The following ARFGEF3 variants were observed in gnomAD, a reference collection of about 807,000 sequenced individuals.
The protein encoded by ARFGEF3 is brefeldin A-inhibited guanine nucleotide-exchange protein 3.
In ARFGEF3, 96 loss-of-function variants were observed where a neutral mutation model predicts 221.7. The observed-to-expected ratio is 0.43, with a 90% confidence interval of 0.37 to 0.51. The LOEUF is 0.51. Among genes scored for constraint, ARFGEF3 ranks in the 20% least tolerant of loss-of-function variants. The pLI, the probability that ARFGEF3 is intolerant of heterozygous loss-of-function variation, is 0.00. For missense variants in ARFGEF3, 2,410 were observed against 2,789.9 expected (o/e 0.86, Z 3.07); for synonymous variants, 1,145 against 1,126.8 (o/e 1.02, Z -0.32).
At position 138,187,946 on chromosome 6, in the gene ARFGEF3, T is replaced by TG. The variant is rs527778151; in HGVS notation, c.137+17234dup. Among the ~76,000 whole-genome samples the TG allele has an allele frequency of 2.7e-3, 407 of 152,194 alleles. 3 individuals are homozygous for TG. In the Middle Eastern group the frequency reaches 0.027, roughly 10 times the overall value. On this transcript the variant is annotated intron_variant, in intron 2 of 33. Coordinates refer to ENST00000251691, the MANE Select transcript of ARFGEF3 (RefSeq NM_020340.5). Reference sequence around the variant, plus strand: ...TATACTAGGATAGGAAATGAGTGTGTGTGGGGGGGTTTAATCTAGGGAAAG... The same window carrying TG: ...TATACTAGGATAGGAAATGAGTGTGTGGTGGGGGGGTTTAATCTAGGGAAAG...
chr6:138,327,133 G>T (rs1385641863), intron 31 of ARFGEF3, among the ~76,000 whole-genome samples: 3 of 152,178 alleles, frequency 2.0e-5, no homozygotes, highest in African/African-American at 7.2e-5. Context: ...GAGAGCATCA[G>T]CAAGAACAGC....
At chr6:138,239,114 A>G (rs982951224) in intron 6 of ARFGEF3, among the ~76,000 whole-genome samples, 9 of 152,194 alleles carry the variant, frequency 5.9e-5, no homozygotes, top group African/African-American at 1.9e-4. Context: ...AAAGCCCACT[A>G]GAGCTTTTTG....
chr6:138,172,906 G>A (rs1473317450), intron 2 of ARFGEF3, among the ~76,000 whole-genome samples: 4 of 152,094 alleles, frequency 2.6e-5, no homozygotes, highest in Non-Finnish European at 5.9e-5. Context: ...GACCAATTTT[G>A]TGCATTAGTA....
At chr6:138,315,392 G>T (rs1392883616) in intron 26 of ARFGEF3, among the ~76,000 whole-genome samples, 2 of 152,100 alleles carry the variant, frequency 1.3e-5, no homozygotes, top group African/African-American at 4.8e-5. Context: ...TCTAGAATTG[G>T]ATATCATACC....
intron 10 of ARFGEF3, among the ~76,000 whole-genome samples, 179 bp from the exon 11 acceptor site, chr6:138,261,348 T>C (rs111425640): frequency 0.013 from 1,959 of 152,336 alleles, 39 homozygotes; most frequent in African/African-American, 0.044. Flanking sequence ...ACACACCATA[T>C]GTCAAGAAGA....
At chr6:138,239,989 C>T (rs1461471285) in intron 6 of ARFGEF3, among the ~76,000 whole-genome samples, 2 of 152,272 alleles carry the variant, frequency 1.3e-5, no homozygotes, top group Admixed American at 6.5e-5. Flanking sequence ...TGTGCTCTGG[C>T]AGCCAGTGTT....
chr6:138,329,297 C>T (rs199532454), intron 32 of ARFGEF3, among the ~76,000 whole-genome samples: 11 of 152,168 alleles, frequency 7.2e-5, no homozygotes, highest in African/African-American at 2.7e-4. Flanking sequence ...CATTTCACCC[C>T]TGAGGGCACA....
In ARFGEF3 at chr6:138,262,929, G is replaced by A. The variant is rs1450188031; in HGVS notation, c.1446G>A (p.Gln482=). ...MEINEADFRW[Q]RRVLSSEHTP... ...TCAATGAGGCTGACTTCCGCTGGCA[G>A]CGGCGAGTGCTGTCCTCAGAACACA... is the stretch of plus-strand genomic sequence containing the variant. The change falls in exon 12 of 34, where the codon CAG becomes CAA. Residue 482 remains glutamine, a synonymous_variant. Coordinates refer to ENST00000251691, the MANE Select transcript of ARFGEF3 (RefSeq NM_020340.5). 2.5e-6 allele frequency: 4 copies of A among 1,606,216 alleles called. No homozygotes were observed. The highest frequency in any genetic ancestry group is 3.4e-6 in the Non-Finnish European group (4 of 1,176,204).
At chr6:138,306,676 C>T (rs1779728346) in intron 22 of ARFGEF3, among the ~76,000 whole-genome samples, 1 of 151,596 alleles carries the variant, frequency 6.6e-6, no homozygotes, top group African/African-American at 2.4e-5. Context: ...ATGAAGATAC[C>T]ATTGCAATTC....
chr6:138,223,728 T>C (rs1431383808), intron 4 of ARFGEF3, among the ~76,000 whole-genome samples: 1 of 152,198 alleles, frequency 6.6e-6, no homozygotes, highest in Non-Finnish European at 1.5e-5. Flanking sequence ...CTAGGTTTAA[T>C]TTATTATATG....
At position 138,308,603 on chromosome 6, in the gene ARFGEF3, T is replaced by A. The variant is rs1008994418; in HGVS notation, c.3974-136T>A. 74 of 953,024 alleles carry A rather than the reference T, an allele frequency of 7.8e-5. 1 individual carries two copies. In the Admixed American group the frequency reaches 1.6e-3, roughly 21 times the overall value. The allele number at this position is 953,024 out of a possible 1,614,324, so 59.0% of individuals were successfully genotyped here. On this transcript the variant is annotated intron_variant, in intron 23 of 33. Transcript: ENST00000251691. ...TGCTGGAGCCAAGCCAATGGCCCAA[T>A]AAAAAACCCAGGCATCTCCCCAGTA...
intron 22 of ARFGEF3, among the ~76,000 whole-genome samples, chr6:138,306,286 A>G (rs191013368): frequency 2.8e-4 from 42 of 152,330 alleles, no homozygotes; most frequent in African/African-American, 1.0e-3. Context: ...CACAAAAGCT[A>G]CAAAACATTG....
At chr6:138,202,372 G>GA (rs1222134732) in intron 2 of ARFGEF3, among the ~76,000 whole-genome samples, 3 of 151,504 alleles carry the variant, frequency 2.0e-5, no homozygotes, top group Admixed American at 6.6e-5. Flanking sequence ...ATCACTTTTA[G>GA]AAAAAAAATG....
At chr6:138,288,409 C>T (rs118152911) in intron 17 of ARFGEF3, among the ~76,000 whole-genome samples, 1,726 of 150,388 alleles carry the variant, frequency 0.011, 15 homozygotes, top group Non-Finnish European at 0.019. Flanking sequence ...AACAGCCAGG[C>T]GCAGTGGCTT....
chr6:138,262,258 C>T (rs1269381004), intron 11 of ARFGEF3, among the ~76,000 whole-genome samples: 3 of 148,556 alleles, frequency 2.0e-5, no homozygotes, highest in East Asian at 2.0e-4. Flanking sequence ...GGCACGATCT[C>T]GGCTCACTGC....
At position 138,291,587 on chromosome 6, in the gene ARFGEF3, G is replaced by A; in HGVS notation, c.3048-146G>A. On this transcript the variant is annotated intron_variant, in intron 18 of 33. Coordinates refer to ENST00000251691, the MANE Select transcript of ARFGEF3 (RefSeq NM_020340.5). The surrounding 1 kb of genome is among the most constrained non-coding windows in gnomAD (Gnocchi z 4.5). ...GCTGTGTGACATGAGAACACAGGAGGGAAGGACTGACTGTCATCACAGGAA... is the reference window on the plus strand; with the variant it reads ...GCTGTGTGACATGAGAACACAGGAGAGAAGGACTGACTGTCATCACAGGAA... 1 of 453,460 alleles carries A rather than the reference G, an allele frequency of 2.2e-6. No individual in the cohort carries two copies. The allele number at this position is 453,460 out of a possible 1,614,324, so 28.1% of individuals were successfully genotyped here.
At chr6:138,320,982 A>G in intron 28 of ARFGEF3, 129 bp from the exon 29 acceptor site, 1 of 611,596 alleles carries the variant, frequency 1.6e-6, no homozygotes, top group Non-Finnish European at 2.8e-6. Flanking sequence ...CATTTTTCTC[A>G]TTGTTCTATT....
intron 12 of ARFGEF3, among the ~76,000 whole-genome samples, chr6:138,276,104 G>T (rs1320242204): frequency 7.2e-6 from 1 of 139,118 alleles, no homozygotes; most frequent in Non-Finnish European, 1.5e-5. Flanking sequence ...GAGAGGAGTG[G>T]CTCGGTGTGT....
At position 138,291,969 on chromosome 6, in the gene ARFGEF3, G is replaced by C. The variant is rs1286560818; in HGVS notation, c.3284G>C (p.Arg1095Pro). 6.5e-7 allele frequency: 1 copy of C among 1,534,010 alleles called. No homozygotes were observed. Among genetic ancestry groups the C allele is most frequent in the African/African-American group, 1.4e-5 (1 of 71,364 alleles). ...CTCGTCCGGGAAGGCAGCCGGGGTC[G>C]GGCCTCCGACTTCCGCGGCGGGAGC... ...QDLVREGSRG[R>P]ASDFRGGSLM... The change falls in exon 19 of 34, where the codon CGG (arginine) becomes CCG (proline). Residue 1095 changes from arginine to proline, a missense_variant. Arg to Pro is a moderately radical substitution (Grantham distance 103). Around this residue, in one of 5 missense-constraint regions of ARFGEF3, gnomAD observed 184 missense variants for 141.8 expected, o/e 1.30. Coordinates refer to ENST00000251691, the MANE Select transcript of ARFGEF3 (RefSeq NM_020340.5). This position sits in a 1 kb window ranked among gnomAD's most constrained non-coding sequence, Gnocchi z 4.5.
Sources: gnomAD v4.1 joint callset for allele counts (sites outside exome capture counted in the v4.1 genomes callset) on GRCh38, gnomAD v4.1.1 for gene constraint, gnomAD v4.1.1 regional missense constraint, Gnocchi (gnomAD v3.1) non-coding constraint, MANE v1.5 for transcripts, NCBI Gene and HGNC (gene_info 2026-07-23, HGNC 2026-07-21) for gene names.